The following CEP85L variants were observed in gnomAD, a reference collection of about 807,000 sequenced individuals.
CEP85L encodes the protein centrosomal protein of 85 kDa-like.
CEP85L carries 60 observed loss-of-function variants against 100.3 expected under a neutral mutation model. The ratio of observed to expected loss-of-function variants is 0.60; its 90% CI spans 0.49 to 0.74. CEP85L has a LOEUF of 0.74. Ranked by LOEUF, CEP85L falls within the 30% of genes least tolerant of loss-of-function variation. The pLI, the probability that CEP85L is intolerant of heterozygous loss-of-function variation, is 0.00. For synonymous variants in CEP85L, 319 were observed against 322.7 expected (o/e 0.99, Z 0.12); for missense variants, 973 against 936.2 (o/e 1.04, Z -0.51).
In CEP85L at chr6:118,505,409, C is replaced by CAAAAAAAAAAA. The variant is rs56893664; in HGVS notation, c.1257+5878_1257+5888dup. On this transcript the variant is annotated intron_variant, in intron 5 of 12. Transcript: ENST00000368491. Reference sequence around the variant, plus strand: ...TGAGCCAAGATCACGTCACTGTACTCAAAAAAAAAAAAAAAAAAAAAAAAA... The same window carrying CAAAAAAAAAAA: ...TGAGCCAAGATCACGTCACTGTACTCAAAAAAAAAAAAAAAAAAAAAAAAAAAAAAAAAAAA... Among the ~76,000 whole-genome samples the CAAAAAAAAAAA allele has an allele frequency of 3.1e-4, 22 of 71,816 alleles. 2 individuals are homozygous for CAAAAAAAAAAA. Among genetic ancestry groups the CAAAAAAAAAAA allele is most frequent in the African/African-American group, 3.9e-4 (7 of 18,062 alleles). 47.1% of individuals were successfully genotyped at this position (71,816 alleles called of 152,430 possible).
At chr6:118,583,324 CCTCT>C (rs1780677639) in intron 2 of CEP85L, among the ~76,000 whole-genome samples, 1 of 152,192 alleles carries the variant, frequency 6.6e-6, no homozygotes, top group Non-Finnish European at 1.5e-5. Flanking sequence ...TCTTGCTCCT[CCTCT>C]CTAATTCAGG....
At chr6:118,639,569 T>C (rs1314471373) in intron 1 of CEP85L, among the ~76,000 whole-genome samples, 1 of 152,200 alleles carries the variant, frequency 6.6e-6, no homozygotes, top group Non-Finnish European at 1.5e-5. Context: ...CTTCCCTGAT[T>C]CCTCCAGGTG....
chr6:118,566,430 T>A, intron 2 of CEP85L, 114 bp from the exon 3 acceptor site: 1 of 923,270 alleles, frequency 1.1e-6, no homozygotes, highest in Non-Finnish European at 1.6e-6. Flanking sequence ...ACAAGCTTTT[T>A]TTTTTGAGAC....
At chr6:118,571,914 G>A (rs1779912081) in intron 2 of CEP85L, among the ~76,000 whole-genome samples, 1 of 152,054 alleles carries the variant, frequency 6.6e-6, no homozygotes, top group East Asian at 1.9e-4. Context: ...TGGAGTGCAA[G>A]GGAACAATCT....
intron 2 of CEP85L, among the ~76,000 whole-genome samples, chr6:118,574,227 C>G (rs1489655448): frequency 6.6e-6 from 1 of 152,200 alleles, no homozygotes; most frequent in Admixed American, 6.5e-5. Flanking sequence ...CAACAATCTC[C>G]TCCTCCCCTC....
At chr6:118,634,837 A>G (rs918647268) in intron 1 of CEP85L, among the ~76,000 whole-genome samples, 6 of 152,322 alleles carry the variant, frequency 3.9e-5, no homozygotes, top group Admixed American at 6.5e-5. Flanking sequence ...TTAGCTGGAT[A>G]ATTATTTTTT....
In CEP85L at chr6:118,632,398, G is replaced by A. The variant is rs992459262; in HGVS notation, c.232+55C>T. Reference sequence around the variant, plus strand: ...TAAAACATATCCCCTGAAAATTCTTGTACCACAACCACTCTTCAAAGATTC... The same window carrying A: ...TAAAACATATCCCCTGAAAATTCTTATACCACAACCACTCTTCAAAGATTC... On this transcript the variant is annotated intron_variant, in intron 2 of 12. Transcript: ENST00000368491. The A allele has an allele frequency of 8.0e-6, 11 of 1,370,418 alleles. No individual in the cohort carries two copies. The African/African-American group carries it at 1.3e-4, about 16-fold the overall frequency. The allele number at this position is 1,370,418 out of a possible 1,614,324, so 84.9% of individuals were successfully genotyped here.
intron 1 of CEP85L, among the ~76,000 whole-genome samples, chr6:118,637,474 G>A (rs953874866): frequency 4.0e-5 from 6 of 151,038 alleles, no homozygotes; most frequent in African/African-American, 1.5e-4. Flanking sequence ...AACGCTGGCA[G>A]ACAGCTTGAG....
chr6:118,643,049 T>C (rs1403782275), intron 1 of CEP85L, among the ~76,000 whole-genome samples: 1 of 152,108 alleles, frequency 6.6e-6, no homozygotes, highest in East Asian at 1.9e-4. Context: ...TACAAATATA[T>C]ACAACTTGGT....
chr6:118,681,752 T>C (rs1256546885), intron 1 of CEP85L, among the ~76,000 whole-genome samples: 3 of 44,086 alleles, frequency 6.8e-5, no homozygotes, highest in East Asian at 3.9e-4. Context: ...TTATTTCTTT[T>C]TTTTTTTTTT....
At chr6:118,593,540 G>A (rs572913040) in intron 2 of CEP85L, among the ~76,000 whole-genome samples, 4 of 152,048 alleles carry the variant, frequency 2.6e-5, no homozygotes, top group South Asian at 2.1e-4. Flanking sequence ...CACGAGAACC[G>A]CACTAGGGGG....
intron 3 of CEP85L, among the ~76,000 whole-genome samples, chr6:118,536,392 A>C (rs1268464486): frequency 6.6e-6 from 1 of 152,140 alleles, no homozygotes; most frequent in Non-Finnish European, 1.5e-5. Flanking sequence ...ATAAGGGGAG[A>C]TGTATGTGGG....
At chr6:118,651,913 A>G (rs1188160891), upstream of CEP85L, 1 of 985,416 alleles carries the variant, frequency 1.0e-6, no homozygotes, top group Non-Finnish European at 1.2e-6. Context: ...CTGTGAAGAC[A>G]CGTGGAAGAC....
chr6:118,462,719 T>C lies in CEP85L; in HGVS notation c.*2686A>G, dbSNP rs534360555. The C allele has an allele frequency of 7.9e-5, 12 of 152,050 alleles. No homozygotes were observed. Among genetic ancestry groups the C allele is most frequent in the Non-Finnish European group, 1.5e-4 (10 of 67,906 alleles). The allele number at this position is 152,050 out of a possible 1,614,324, so 9.4% of individuals were successfully genotyped here. The stretch of plus-strand genomic sequence containing the variant: ...CTAGTTCAAACTGGGTGAGATGCTC[T>C]AGTGTTGCTATTTGCCCATCTTATT... On this transcript the variant is annotated 3_prime_UTR_variant, in exon 13 of 13. Coordinates refer to ENST00000368491, the MANE Select transcript of CEP85L (RefSeq NM_001042475.3).
chr6:118,532,521 GA>G, intron 3 of CEP85L, among the ~76,000 whole-genome samples: 1 of 152,160 alleles, frequency 6.6e-6, no homozygotes, highest in African/African-American at 2.4e-5. Context: ...ATAAAGGTTG[GA>G]ATAAAAAAGT....
At chr6:118,566,706 A>C (rs1012114680) in intron 2 of CEP85L, among the ~76,000 whole-genome samples, 3 of 152,252 alleles carry the variant, frequency 2.0e-5, no homozygotes, top group African/African-American at 7.2e-5. Flanking sequence ...GGCATGAGCC[A>C]CTGTGCCCAG....
chr6:118,649,516 G>A (rs186393179), intron 1 of CEP85L, among the ~76,000 whole-genome samples: 1 of 152,208 alleles, frequency 6.6e-6, no homozygotes, highest in East Asian at 1.9e-4. Context: ...CTCCAAACAA[G>A]CTGCTATTAT....
At chr6:118,654,068 A>ATTGTG (rs1258685294), upstream of CEP85L, among the ~76,000 whole-genome samples, 2 of 152,242 alleles carry the variant, frequency 1.3e-5, no homozygotes, top group Non-Finnish European at 2.9e-5. Context: ...GATTGTGCAA[A>ATTGTG]CATCATCTAC....
rs1435495143 is a variant in CEP85L, at chr6:118,462,300, T to C, written c.*3105A>G. 6.6e-6 allele frequency: 1 copy of C among 152,062 alleles called. No individual in the cohort carries two copies. Among genetic ancestry groups the C allele is most frequent in the Admixed American group, 6.6e-5 (1 of 15,256 alleles). The allele number at this position is 152,062 out of a possible 1,614,324, so 9.4% of individuals were successfully genotyped here. A position where few individuals can be genotyped will look rare whatever the true frequency, so the allele number is the denominator to read the frequency against. ...GAATATCTTACCTAGCCAGTATTTG[T>C]GGTTTTTTGTTTTTGTTTAATTAGA... On this transcript the variant is annotated 3_prime_UTR_variant, in exon 13 of 13. Transcript: ENST00000368491.
Sources: gnomAD v4.1 joint callset for allele counts (sites outside exome capture counted in the v4.1 genomes callset) on GRCh38, gnomAD v4.1.1 for gene constraint, MANE v1.5 for transcripts, NCBI Gene and HGNC (gene_info 2026-07-23, HGNC 2026-07-21) for gene names.